The following CACNB2 variants were observed in gnomAD, a reference collection of about 807,000 sequenced individuals.
CACNB2 encodes the protein voltage-dependent L-type calcium channel subunit beta-2.
In CACNB2, 42 loss-of-function variants were observed where a neutral mutation model predicts 73.3. The observed-to-expected ratio is 0.57, with a 90% confidence interval of 0.45 to 0.74. The LOEUF (loss-of-function observed/expected upper bound fraction) is 0.74. Among genes scored for constraint, CACNB2 ranks in the 30% least tolerant of loss-of-function variants. The pLI, the probability that CACNB2 is intolerant of heterozygous loss-of-function variation, is 0.00. For synonymous variants in CACNB2, 348 were observed against 310.3 expected (o/e 1.12, Z -1.28); for missense variants, 940 against 853.0 (o/e 1.10, Z -1.27).
chr10:18,332,844 A>T (rs376590700), intron 2 of CACNB2, among the ~76,000 whole-genome samples: 1 of 152,230 alleles, frequency 6.6e-6, no homozygotes, highest in East Asian at 1.9e-4. Flanking sequence ...GTTCATTTAC[A>T]GTTAACTCTG....
intron 10 of CACNB2, among the ~76,000 whole-genome samples, chr10:18,529,587 G>A (rs1346571977): frequency 1.3e-5 from 2 of 152,146 alleles, no homozygotes; most frequent in Non-Finnish European, 2.9e-5. Context: ...GAGTGGAGAG[G>A]GTGACAGTGA....
At chr10:18,186,334 G>T (rs1328668080) in intron 2 of CACNB2, among the ~76,000 whole-genome samples, 2 of 152,048 alleles carry the variant, frequency 1.3e-5, no homozygotes, top group African/African-American at 4.8e-5. Context: ...CAAGAGAATT[G>T]CTTGAACCTG....
chr10:18,221,735 A>G (rs1430149365), intron 2 of CACNB2, among the ~76,000 whole-genome samples: 1 of 152,240 alleles, frequency 6.6e-6, no homozygotes, highest in African/African-American at 2.4e-5. Context: ...AACCATTTTA[A>G]AAGACCTTTA....
intron 2 of CACNB2, among the ~76,000 whole-genome samples, chr10:18,290,176 C>T (rs1220081251): frequency 7.6e-6 from 1 of 132,362 alleles, no homozygotes; most frequent in African/African-American, 2.9e-5. Flanking sequence ...TATAAGCGCG[C>T]GCCACCATGC....
At chr10:18,321,085 G>C (rs1335936481) in intron 2 of CACNB2, among the ~76,000 whole-genome samples, 3 of 152,208 alleles carry the variant, frequency 2.0e-5, no homozygotes, top group African/African-American at 7.2e-5. Context: ...GGAAGAAAAT[G>C]TGTCTCTTAG....
At chr10:18,272,446 C>T (rs1346419955) in intron 2 of CACNB2, among the ~76,000 whole-genome samples, 1 of 152,140 alleles carries the variant, frequency 6.6e-6, no homozygotes, top group East Asian at 1.9e-4. Flanking sequence ...GTGGTACATA[C>T]TAGAAATCAC....
chr10:18,329,129 T>C (rs2040699291), intron 2 of CACNB2, among the ~76,000 whole-genome samples: 2 of 152,190 alleles, frequency 1.3e-5, no homozygotes, highest in African/African-American at 4.8e-5. Flanking sequence ...GATTTTCTTT[T>C]TATTCTTAAT....
At chr10:18,498,148 G>T (rs1368510450) in intron 3 of CACNB2, among the ~76,000 whole-genome samples, 1 of 152,166 alleles carries the variant, frequency 6.6e-6, no homozygotes, top group African/African-American at 2.4e-5. Flanking sequence ...CCTTTTTCTA[G>T]TTCAGAAATG....
chr10:18,400,510 G>T (rs186794274), intron 2 of CACNB2: 90 of 892,688 alleles, frequency 1.0e-4, no homozygotes, highest in Non-Finnish European at 1.2e-4. Context: ...GCGTAAAAAG[G>T]CGACATATGG....
rs1403561911 is a variant in CACNB2, at chr10:18,536,261, T to G, written c.1302+65T>G. The G allele has an allele frequency of 4.7e-6, 3 of 634,420 alleles. No homozygotes were observed. In the South Asian group the frequency reaches 5.4e-5, roughly 11 times the overall value. 39.3% of individuals were successfully genotyped at this position (634,420 alleles called of 1,614,324 possible). A position where few individuals can be genotyped will look rare whatever the true frequency, so the allele number is the denominator to read the frequency against. On this transcript the variant is annotated intron_variant, in intron 12 of 13. Transcript: ENST00000324631. ...ATCAGACCTTTTTTTTTTTTTTTTT[T>G]TTTTTTTTTTTTGGGGGACAAGGTC...
At chr10:18,235,787 G>A (rs753653309) in intron 2 of CACNB2, among the ~76,000 whole-genome samples, 1 of 152,150 alleles carries the variant, frequency 6.6e-6, no homozygotes, top group Non-Finnish European at 1.5e-5. Context: ...CAGCAGCCAC[G>A]GAGGTATGGT....
At chr10:18,380,332 A>T (rs533325958) in intron 2 of CACNB2, among the ~76,000 whole-genome samples, 7 of 152,298 alleles carry the variant, frequency 4.6e-5, no homozygotes, top group Middle Eastern at 6.8e-3. Context: ...TGAATATTAC[A>T]GTCTAACTAG....
chr10:18,443,030 AT>A (rs2046551560), intron 3 of CACNB2, among the ~76,000 whole-genome samples: 1 of 135,584 alleles, frequency 7.4e-6, no homozygotes, highest in Non-Finnish European at 1.6e-5. Flanking sequence ...ATATATATAT[AT>A]ATATAAATAA....
Position 18,338,164 on chromosome 10 carries a change from A to G in CACNB2, c.214-63760A>G, listed in dbSNP as rs530339287. The stretch of plus-strand genomic sequence containing the variant: ...TTGGGAAAAAATATTTTCAAATTAC[A>G]TACCTGATACGGGGTTAATACCCCA... On this transcript the variant is annotated intron_variant, in intron 2 of 13. Transcript: ENST00000324631. 2.6e-4 allele frequency among the ~76,000 whole-genome samples: 40 copies of G among 152,374 alleles called. No homozygotes were observed. The South Asian group carries it at 5.8e-3, about 22-fold the overall frequency.
At chr10:18,297,085 G>C (rs1196017227) in intron 2 of CACNB2, among the ~76,000 whole-genome samples, 1 of 152,156 alleles carries the variant, frequency 6.6e-6, no homozygotes, top group African/African-American at 2.4e-5. Context: ...CAATCCTACT[G>C]CTATAACATG....
intron 3 of CACNB2, among the ~76,000 whole-genome samples, chr10:18,481,160 A>G (rs1371123084): frequency 1.5e-5 from 2 of 133,464 alleles, no homozygotes; most frequent in African/African-American, 5.5e-5. Flanking sequence ...TTTGACCAAG[A>G]GGTGACCAAA....
intron 2 of CACNB2, among the ~76,000 whole-genome samples, chr10:18,383,356 A>AG (rs1438970117): frequency 6.6e-6 from 1 of 152,212 alleles, no homozygotes; most frequent in Non-Finnish European, 1.5e-5. Context: ...TGGAATATAG[A>AG]GGGGCTAGCA....
chr10:18,480,888 A>G (rs1390836150), intron 3 of CACNB2, among the ~76,000 whole-genome samples: 1 of 152,118 alleles, frequency 6.6e-6, no homozygotes, highest in Non-Finnish European at 1.5e-5. Flanking sequence ...TTTGGTCAAT[A>G]ATTTGTCTAA....
At chr10:18,467,515 A>G (rs946693888) in intron 3 of CACNB2, among the ~76,000 whole-genome samples, 1 of 152,246 alleles carries the variant, frequency 6.6e-6, no homozygotes, top group African/African-American at 2.4e-5. Flanking sequence ...AGACCTACGT[A>G]AAAGATACAG....
Sources: gnomAD v4.1 joint callset for allele counts (sites outside exome capture counted in the v4.1 genomes callset) on GRCh38, gnomAD v4.1.1 for gene constraint, MANE v1.5 for transcripts, NCBI Gene and HGNC (gene_info 2026-07-23, HGNC 2026-07-21) for gene names.